Variants in TMED3 observed in about 807,000 individuals in gnomAD.
TMED3 encodes transmembrane emp24 domain-containing protein 3.
Under a neutral mutation model 15.0 loss-of-function variants are expected in TMED3, and 9 were observed. The ratio of observed to expected loss-of-function variants is 0.60; its 90% confidence interval spans 0.36 to 1.04. The LOEUF (loss-of-function observed/expected upper bound fraction) is 1.04, where lower values mean the gene tolerates loss of function less well. Ranked by LOEUF, TMED3 falls within the 50% of genes least tolerant of loss-of-function variation. TMED3 has a pLI of 0.01. For missense variants in TMED3, 267 were observed against 278.9 expected, an observed-to-expected ratio of 0.96 and a Z score of 0.30; for synonymous variants, 117 against 121.4, an observed-to-expected ratio of 0.96 and a Z score of 0.24.
At chr15:79,334,004 C>G (rs2058818808) in intron 2 of TMED3, among the ~76,000 whole-genome samples, 1 of 152,100 alleles carries the variant, frequency 6.6e-6, no homozygotes, top group Non-Finnish European at 1.5e-5. Context: ...CCAGAGTAGC[C>G]TCACAGACCA....
At position 79,313,969 on chromosome 15, in the gene TMED3, C is replaced by T. The variant is rs745790691; in HGVS notation, c.381C>T (p.Leu127=). The T allele has an allele frequency of 6.2e-7, 1 of 1,614,146 alleles. No homozygotes were observed. The highest frequency in any genetic ancestry group is 1.7e-5 in the Admixed American group (1 of 60,020). Residue 127 remains leucine (L), a synonymous_variant, in exon 2 of 3, where the codon CTC becomes CTT. Coordinates refer to ENST00000299705, the MANE Select transcript of TMED3 (RefSeq NM_007364.4). ...DFQVGDEPPI[L]PDMGNRVTAL... The stretch of plus-strand genomic sequence containing the variant: ...AAGTGGGCGATGAGCCTCCCATTCT[C>T]CCAGACATGGGGAACAGGGTCACAG...
chr15:79,375,227 G>T (rs1893404304), intron 2 of TMED3, among the ~76,000 whole-genome samples: 1 of 152,102 alleles, frequency 6.6e-6, no homozygotes, highest in Non-Finnish European at 1.5e-5. Context: ...GGAGGAGAGG[G>T]TCTGGTCTGT....
intron 2 of TMED3, chr15:79,384,557 AG>A (rs769392757): frequency 1.3e-5 from 2 of 152,250 alleles, no homozygotes; most frequent in Admixed American, 6.5e-5. Flanking sequence ...CTGGCAGTAT[AG>A]CTGGTGGGAC....
At chr15:79,325,840 G>A (rs1444487274), downstream of TMED3, among the ~76,000 whole-genome samples, 1 of 152,196 alleles carries the variant, frequency 6.6e-6, no homozygotes, top group Non-Finnish European at 1.5e-5. Flanking sequence ...GGAGAAAGAT[G>A]AAAGCCGGAA....
At chr15:79,354,958 A>G (rs2058912948) in intron 2 of TMED3, among the ~76,000 whole-genome samples, 1 of 152,144 alleles carries the variant, frequency 6.6e-6, no homozygotes, top group African/African-American at 2.4e-5. Flanking sequence ...TATTTCTCTT[A>G]TTTAAGCAGC....
At chr15:79,385,392 C>A (rs1009460633) in intron 2 of TMED3, among the ~76,000 whole-genome samples, 11 of 152,200 alleles carry the variant, frequency 7.2e-5, no homozygotes, top group African/African-American at 2.7e-4. Context: ...CTCACAAATT[C>A]TTGGGGCTCC....
chr15:79,313,621 T>A lies in TMED3; in HGVS notation c.169-136T>A, dbSNP rs2058726961. 5 of 1,165,802 alleles carry A rather than the reference T, an allele frequency of 4.3e-6. No individual in the cohort carries two copies. The East Asian group carries it at 1.3e-4, about 30-fold the overall frequency. 72.2% of individuals were successfully genotyped at this position (1,165,802 alleles called of 1,614,324 possible). On this transcript the variant is annotated intron_variant, in intron 1 of 2. Transcript: ENST00000299705. ...TGCTCAGCCTTAGTAAAATGAGAAG[T>A]GGCGTAGCACCTGCCTTAGAAAGTT...
chr15:79,325,105 A>G (rs943016659), downstream of TMED3, among the ~76,000 whole-genome samples: 3 of 152,226 alleles, frequency 2.0e-5, no homozygotes, highest in Non-Finnish European at 4.4e-5. Flanking sequence ...AGAATCTCCC[A>G]GGGAAAAGAC....
chr15:79,385,878 C>G (rs1270677179), intron 2 of TMED3, among the ~76,000 whole-genome samples: 1 of 152,198 alleles, frequency 6.6e-6, no homozygotes, highest in African/African-American at 2.4e-5. Context: ...TAGCAGCAGC[C>G]TCTGCCATCA....
intron 2 of TMED3, among the ~76,000 whole-genome samples, chr15:79,358,462 C>G (rs571047659): frequency 6.6e-6 from 1 of 152,324 alleles, no homozygotes; most frequent in African/African-American, 2.4e-5. Context: ...GGATTGCAGT[C>G]TAGACTGAGC....
At chr15:79,386,520 G>GTAT (rs772352661) in intron 2 of TMED3, among the ~76,000 whole-genome samples, 1 of 152,054 alleles carries the variant, frequency 6.6e-6, no homozygotes, top group Non-Finnish European at 1.5e-5. Context: ...TCTAAAAGGG[G>GTAT]TATTTTGATG....
In TMED3 at chr15:79,317,584, A is replaced by T. The variant is rs1054539333; in HGVS notation, c.417+3579A>T. On this transcript the variant is annotated intron_variant, in intron 2 of 2. Transcript: ENST00000299705. ...TGCGGATTTGTACATACAAACATGT[A>T]TGCATATGTGTACATATGAATACAT... 4.7e-5 allele frequency among the ~76,000 whole-genome samples: 7 copies of T among 148,336 alleles called. No individual in the cohort carries two copies. In the South Asian group the frequency reaches 1.1e-3, roughly 24 times the overall value.
At chr15:79,407,905 A>G (rs1893922186) in intron 2 of TMED3, among the ~76,000 whole-genome samples, 1 of 152,216 alleles carries the variant, frequency 6.6e-6, no homozygotes, top group African/African-American at 2.4e-5. Flanking sequence ...GAAGTGGGGC[A>G]TGCTCTGGTA....
intron 2 of TMED3, among the ~76,000 whole-genome samples, chr15:79,396,226 A>G (rs184631826): frequency 6.6e-6 from 1 of 152,204 alleles, no homozygotes. Context: ...TTTTTATGTT[A>G]TAACTGTCTA....
chr15:79,331,419 A>C (rs1186520007), intron 2 of TMED3, among the ~76,000 whole-genome samples: 1 of 152,172 alleles, frequency 6.6e-6, no homozygotes. Flanking sequence ...AAAATGATCA[A>C]AGACCTAAAT....
intron 2 of TMED3, among the ~76,000 whole-genome samples, chr15:79,386,279 T>C (rs1893625294): frequency 6.6e-6 from 1 of 152,226 alleles, no homozygotes; most frequent in African/African-American, 2.4e-5. Flanking sequence ...GTAAATTTAA[T>C]GTTATGTGCT....
intron 2 of TMED3, among the ~76,000 whole-genome samples, chr15:79,386,963 G>A (rs116214719): frequency 0.03 from 3,558 of 120,208 alleles, 164 homozygotes; most frequent in African/African-American, 0.11. Flanking sequence ...ACAATGTCTC[G>A]TTCTGTCACC....
At chr15:79,368,870 A>G (rs1297891935) in intron 2 of TMED3, among the ~76,000 whole-genome samples, 1 of 152,070 alleles carries the variant, frequency 6.6e-6, no homozygotes, top group African/African-American at 2.4e-5. Context: ...GGCAGATCAC[A>G]TGAGGTCAGG....
chr15:79,370,770 A>G (rs1004808324), intron 2 of TMED3, among the ~76,000 whole-genome samples: 5 of 152,164 alleles, frequency 3.3e-5, no homozygotes, highest in Non-Finnish European at 5.9e-5. Context: ...GAGCTCTTAA[A>G]TGGGAGGGAA....
Sources: gnomAD v4.1 joint callset for allele counts (sites outside exome capture counted in the v4.1 genomes callset) on GRCh38, gnomAD v4.1.1 for gene constraint, MANE v1.5 for transcripts, NCBI Gene and HGNC (gene_info 2026-07-23, HGNC 2026-07-21) for gene names.